SHOC1: variants seen among roughly 807,000 people sequenced by gnomAD.
The protein encoded by SHOC1 is shortage in chiasmata 1.
SHOC1 carries 136 observed loss-of-function variants against 179.2 expected under a neutral mutation model. The ratio of observed to expected loss-of-function variants is 0.76; its 90% confidence interval spans 0.66 to 0.87. The LOEUF (loss-of-function observed/expected upper bound fraction) is 0.87, where lower values mean the gene tolerates loss of function less well. Ranked by LOEUF, SHOC1 falls within the 40% of genes least tolerant of loss-of-function variation. The pLI is 0.00. For synonymous variants in SHOC1, 489 were observed against 586.6 expected (o/e 0.83, Z 2.41); for missense variants, 1,538 against 1,700.8 (o/e 0.90, Z 1.68).
chr9:111,782,928 C>A lies in SHOC1; in HGVS notation c.170-1911G>T, dbSNP rs1836127362. Among the ~76,000 whole-genome samples the A allele has an allele frequency of 2.0e-5, 3 of 151,316 alleles. No homozygotes were observed. The South Asian group carries it at 6.3e-4, about 32-fold the overall frequency. On this transcript the variant is annotated intron_variant, in intron 3 of 27. Coordinates refer to ENST00000682961, the MANE Select transcript of SHOC1 (RefSeq NM_001378211.1). ...ACCAACTTACTGGCATAAGTACCTG[C>A]AAACTCTATCTTCCTATCTACACAG...
At chr9:111,743,791 T>G (rs1371764427) in intron 10 of SHOC1, among the ~76,000 whole-genome samples, 1 of 152,124 alleles carries the variant, frequency 6.6e-6, no homozygotes, top group Non-Finnish European at 1.5e-5. Flanking sequence ...CCATTTAAGG[T>G]CTTGGAATTT....
At chr9:111,688,069 G>A (rs1831260248) in intron 27 of SHOC1, among the ~76,000 whole-genome samples, 1 of 152,054 alleles carries the variant, frequency 6.6e-6, no homozygotes, top group African/African-American at 2.4e-5. Flanking sequence ...TAAAGCTGTG[G>A]GAGAGCCTGG....
intron 8 of SHOC1, among the ~76,000 whole-genome samples, chr9:111,748,483 T>G (rs1236360539): frequency 6.6e-6 from 1 of 152,082 alleles, no homozygotes. Context: ...TAAGATAGGG[T>G]GGGCAATCCA....
intron 15 of SHOC1, among the ~76,000 whole-genome samples, chr9:111,720,176 A>G (rs1233946280): frequency 6.6e-6 from 1 of 152,226 alleles, no homozygotes; most frequent in Admixed American, 6.5e-5. Context: ...AAGGCCCAGA[A>G]GTGATTACCA....
chr9:111,758,685 A>G lies in SHOC1; in HGVS notation c.596+10T>C, dbSNP rs1834990502. On this transcript the variant is annotated intron_variant, in intron 6 of 27. Transcript: ENST00000682961. ...AAAATATTTACAGCATTGGTCAATTAAGTAAGTACCTGGAAAAATTAGCTT... is the reference window on the plus strand; with the variant it reads ...AAAATATTTACAGCATTGGTCAATTGAGTAAGTACCTGGAAAAATTAGCTT... The G allele has an allele frequency of 6.4e-7, 1 of 1,566,696 alleles. No individual in the cohort carries two copies. Among genetic ancestry groups the G allele is most frequent in the Non-Finnish European group, 8.6e-7 (1 of 1,164,154 alleles).
chr9:111,785,128 T>C (rs1485315347), intron 3 of SHOC1, among the ~76,000 whole-genome samples: 1 of 152,218 alleles, frequency 6.6e-6, no homozygotes, highest in African/African-American at 2.4e-5. Flanking sequence ...GTCAGGAACT[T>C]TGCATTTGCT....
intron 23 of SHOC1, among the ~76,000 whole-genome samples, chr9:111,700,844 C>G (rs1831938435): frequency 1.3e-5 from 2 of 152,114 alleles, no homozygotes; most frequent in Admixed American, 1.3e-4. Flanking sequence ...AGGGTGCCTA[C>G]TTGACCAGCC....
chr9:111,782,347 T>G (rs1836096777), intron 3 of SHOC1, among the ~76,000 whole-genome samples: 1 of 151,770 alleles, frequency 6.6e-6, no homozygotes, highest in African/African-American at 2.4e-5. Context: ...TGCACCTCTG[T>G]TTTTTTTATG....
intron 5 of SHOC1, 199 bp from the exon 6 acceptor site, chr9:111,759,047 A>T: frequency 8.5e-7 from 1 of 1,173,330 alleles, no homozygotes. Context: ...AATAAATTTT[A>T]GTATTATCTA....
Position 111,727,984 on chromosome 9 carries a change from G to A in SHOC1, c.1483C>T (p.His495Tyr), listed in dbSNP as rs986987541. ...GGACTCTTTTGTGGAAGTGATAAAT[G>A]AGCATTTGTAGATTTTTCATCAATA... ...ALIDEKSTNAHLSLPQKSPSL... is the reference protein window; with the variant it reads ...ALIDEKSTNAYLSLPQKSPSL... The change falls in exon 13 of 28, where the codon CAT becomes TAT. Residue 495 changes from histidine to tyrosine, a missense_variant. Coordinates refer to ENST00000682961, the MANE Select transcript of SHOC1 (RefSeq NM_001378211.1). The A allele has an allele frequency of 5.6e-6, 9 of 1,609,850 alleles. No individual in the cohort carries two copies. Among genetic ancestry groups the A allele is most frequent in the Non-Finnish European group, 7.6e-6 (9 of 1,178,682 alleles).
chr9:111,688,945 C>T (rs1221315354), intron 27 of SHOC1, among the ~76,000 whole-genome samples: 4 of 151,856 alleles, frequency 2.6e-5, no homozygotes, highest in Non-Finnish European at 4.4e-5. Context: ...GATACATTAA[C>T]GTGAAAAATC....
At chr9:111,702,302 A>T in intron 22 of SHOC1, 76 bp from the exon 23 acceptor site, 1 of 985,578 alleles carries the variant, frequency 1.0e-6, no homozygotes, top group Non-Finnish European at 1.5e-6. Flanking sequence ...CATTATTTCA[A>T]GAATCTATGA....
At position 111,785,894 on chromosome 9, in the gene SHOC1, A is replaced by C. The variant is rs1257472860; in HGVS notation, c.169+18T>G. On this transcript the variant is annotated intron_variant, in intron 3 of 27. Coordinates refer to ENST00000682961, the MANE Select transcript of SHOC1 (RefSeq NM_001378211.1). ...ATGGCTTTTAAAACACATTTTTAAG[A>C]AATGAAAACAAACATACCTCTCGTC... The C allele has an allele frequency of 7.0e-7, 1 of 1,438,320 alleles. No individual in the cohort carries two copies. Among genetic ancestry groups the C allele is most frequent in the Non-Finnish European group, 9.1e-7 (1 of 1,097,778 alleles). The allele number at this position is 1,438,320 out of a possible 1,614,324, so 89.1% of individuals were successfully genotyped here.
intron 5 of SHOC1, among the ~76,000 whole-genome samples, chr9:111,773,883 A>G (rs898028430): frequency 2.2e-4 from 33 of 152,186 alleles, no homozygotes; most frequent in Admixed American, 2.0e-4. Context: ...CAAATATACT[A>G]TGTTCCTTTT....
At chr9:111,730,679 G>A (rs1326157388) in intron 12 of SHOC1, among the ~76,000 whole-genome samples, 2 of 152,186 alleles carry the variant, frequency 1.3e-5, no homozygotes, top group East Asian at 1.9e-4. Context: ...CACAGAAAGT[G>A]TAGACTTATC....
At chr9:111,687,736 TC>T (rs1831241340) in intron 27 of SHOC1, among the ~76,000 whole-genome samples, 1 of 148,286 alleles carries the variant, frequency 6.7e-6, no homozygotes, top group African/African-American at 2.5e-5. Context: ...TACAATTCTG[TC>T]CGGTTTTTCT....
At chr9:111,746,383 A>G (rs2131520487) in intron 9 of SHOC1, 41 bp from the exon 10 acceptor site, 1 of 1,331,628 alleles carries the variant, frequency 7.5e-7, no homozygotes, top group South Asian at 1.2e-5. Context: ...ACATTGAATA[A>G]TATTAAGTAG....
intron 19 of SHOC1, among the ~76,000 whole-genome samples, chr9:111,707,209 T>G (rs1162633035): frequency 6.6e-6 from 1 of 152,026 alleles, no homozygotes; most frequent in East Asian, 1.9e-4. Flanking sequence ...TATCATAAAT[T>G]TAGCTTTCTT....
intron 24 of SHOC1, among the ~76,000 whole-genome samples, chr9:111,699,255 C>T (rs1475476304): frequency 6.6e-6 from 1 of 152,150 alleles, no homozygotes; most frequent in Non-Finnish European, 1.5e-5. Flanking sequence ...GAAGACTTAG[C>T]TACTAATTAA....
Sources: gnomAD v4.1 joint callset for allele counts (sites outside exome capture counted in the v4.1 genomes callset) on GRCh38, gnomAD v4.1.1 for gene constraint, MANE v1.5 for transcripts, NCBI Gene and HGNC (gene_info 2026-07-23, HGNC 2026-07-21) for gene names.